The following OR1J2 variants were observed in gnomAD, a reference collection of about 807,000 sequenced individuals.
OR1J2 encodes the protein olfactory receptor family 1 subfamily J member 2, also known as olfactory receptor 1J2.
For synonymous variants in OR1J2, 142 were observed against 99.7 expected, an observed-to-expected ratio of 1.42 and a Z score of -2.52; for missense variants, 304 against 246.1, an observed-to-expected ratio of 1.24 and a Z score of -1.57.
chr9:122,462,512 A>G, the OR1J2 span, among the ~76,000 whole-genome samples: 1 of 152,216 alleles, frequency 6.6e-6, no homozygotes, highest in Admixed American at 6.5e-5. Flanking sequence ...GTTGTTTAAT[A>G]GGTCCTGTGA....
the OR1J2 span, among the ~76,000 whole-genome samples, chr9:122,535,464 C>T: frequency 1.3e-5 from 2 of 152,096 alleles, no homozygotes; most frequent in Non-Finnish European, 2.9e-5. Context: ...AACATGTCTC[C>T]TTTGTTTCTA....
the OR1J2 span, among the ~76,000 whole-genome samples, chr9:122,528,954 A>T: frequency 1.3e-5 from 2 of 152,170 alleles, no homozygotes; most frequent in African/African-American, 4.8e-5. Context: ...ACAGATCTAG[A>T]TGTGTTTCTT....
the OR1J2 span, chr9:122,477,771 G>A: frequency 7.4e-6 from 12 of 1,613,976 alleles, no homozygotes; most frequent in Non-Finnish European, 1.0e-5. Flanking sequence ...GAAGGTGAGA[G>A]TCTAGCTGGA....
At chr9:122,475,928 A>G in the OR1J2 span, 3 of 152,256 alleles carry the variant, frequency 2.0e-5, no homozygotes, top group South Asian at 6.2e-4. Flanking sequence ...AGTCTTTGCT[A>G]CACTGAGTCA....
rs370861596 is a variant in OR1J2 at position 122,510,877 on chromosome 9, G to A, written c.76G>A (p.Val26Met). Residue 26 changes from valine (V) to methionine (M), a missense_variant, in exon 1 of 1, where the codon GTG becomes ATG. Coordinates refer to ENST00000335302, the MANE Select transcript of OR1J2 (RefSeq NM_054107.1). Reference sequence around the variant, plus strand: ...CCCCATCCGGCCAGAGCAGCAGGCTGTGTTCTTCACCCTGTTCCTGGGCAT... The same window carrying A: ...CCCCATCCGGCCAGAGCAGCAGGCTATGTTCTTCACCCTGTTCCTGGGCAT... ...GLPIRPEQQAVFFTLFLGMYL... is the reference protein window; with the variant it reads ...GLPIRPEQQAMFFTLFLGMYL... 18 of 1,611,256 alleles carry A rather than the reference G, an allele frequency of 1.1e-5. No individual in the cohort carries two copies. The highest frequency in any genetic ancestry group is 1.5e-5 in the Non-Finnish European group (18 of 1,177,526).
chr9:122,526,520 CAGGT>C, the OR1J2 span: 1 of 1,598,506 alleles, frequency 6.3e-7, no homozygotes, highest in African/African-American at 1.3e-5. Flanking sequence ...AGGGAGGACA[CAGGT>C]AGGCACTGAA....
At chr9:122,574,090 T>A in the OR1J2 span, among the ~76,000 whole-genome samples, 5 of 152,316 alleles carry the variant, frequency 3.3e-5, no homozygotes, top group East Asian at 3.9e-4. Flanking sequence ...GCCTATTCTT[T>A]TGCCAGTATA....
the OR1J2 span, among the ~76,000 whole-genome samples, chr9:122,498,209 C>G: frequency 6.6e-6 from 1 of 152,006 alleles, no homozygotes; most frequent in Non-Finnish European, 1.5e-5. Flanking sequence ...TGAATTATTC[C>G]CTCAAATATA....
At chr9:122,548,680 G>C in the OR1J2 span, among the ~76,000 whole-genome samples, 2 of 150,908 alleles carry the variant, frequency 1.3e-5, no homozygotes, top group Non-Finnish European at 3.0e-5. Context: ...TCCCATGTTG[G>C]TGTGCTGCAC....
chr9:122,476,096 C>T, the OR1J2 span, among the ~76,000 whole-genome samples: 1 of 152,176 alleles, frequency 6.6e-6, no homozygotes, highest in African/African-American at 2.4e-5. Context: ...GTTCTTAGAT[C>T]AGTCCCTGAG....
the OR1J2 span, among the ~76,000 whole-genome samples, chr9:122,473,625 T>C: frequency 1.3e-5 from 2 of 152,150 alleles, no homozygotes; most frequent in African/African-American, 4.8e-5. Context: ...AACAGGAGGC[T>C]AATGTGTGTT....
At chr9:122,450,260 G>T in the OR1J2 span, among the ~76,000 whole-genome samples, 1 of 152,036 alleles carries the variant, frequency 6.6e-6, no homozygotes, top group Admixed American at 6.5e-5. Flanking sequence ...GCGAAACTCC[G>T]TCTCTACTAA....
chr9:122,519,818 C>G, the OR1J2 span: 1 of 1,614,152 alleles, frequency 6.2e-7, no homozygotes. Flanking sequence ...TCACCATCCT[C>G]AAGGCTCCAT....
the OR1J2 span, among the ~76,000 whole-genome samples, chr9:122,497,513 A>G: frequency 6.6e-6 from 1 of 152,206 alleles, no homozygotes; most frequent in East Asian, 1.9e-4. Flanking sequence ...ATTAGTTGTA[A>G]TGTCACCTTT....
chr9:122,517,717 G>GTT, the OR1J2 span, among the ~76,000 whole-genome samples: 2,358 of 149,444 alleles, frequency 0.016, 73 homozygotes, highest in African/African-American at 0.055. Context: ...TTTTTGAGGT[G>GTT]TTTTTTTTTT....
At chr9:122,554,362 G>A in the OR1J2 span, 1 of 532,796 alleles carries the variant, frequency 1.9e-6, no homozygotes, top group South Asian at 2.4e-5. Flanking sequence ...CCTCTTTCCT[G>A]ACCCCAGTGA....
chr9:122,506,424 T>G (rs1306952899), upstream of OR1J2, among the ~76,000 whole-genome samples: 2 of 152,188 alleles, frequency 1.3e-5, no homozygotes, highest in Non-Finnish European at 2.9e-5. Context: ...AGTTTTCTCC[T>G]TAGTTAAGCT....
At chr9:122,543,570 A>G in the OR1J2 span, among the ~76,000 whole-genome samples, 1 of 152,116 alleles carries the variant, frequency 6.6e-6, no homozygotes, top group Admixed American at 6.6e-5. Flanking sequence ...AAATTGTAAT[A>G]TTACACTGTA....
the OR1J2 span, among the ~76,000 whole-genome samples, chr9:122,505,273 C>T: frequency 6.6e-6 from 1 of 152,092 alleles, no homozygotes; most frequent in Non-Finnish European, 1.5e-5. Context: ...CTTGTGAGGA[C>T]CTTCTTGCTG....
Sources: allele counts gnomAD v4.1 joint callset (sites outside exome capture counted in the v4.1 genomes callset), GRCh38; gene constraint gnomAD v4.1.1; transcripts MANE v1.5; gene names NCBI Gene and HGNC (gene_info 2026-07-23, HGNC 2026-07-21).